CTNNA3: variants seen among roughly 807,000 people sequenced by gnomAD.
CTNNA3 encodes catenin alpha 3.
A neutral mutation model predicts 95.7 loss-of-function variants in CTNNA3; 76 were observed. The ratio of observed to expected loss-of-function variants is 0.79; its 90% confidence interval spans 0.66 to 0.96. The LOEUF (loss-of-function observed/expected upper bound fraction) is 0.96. Among genes scored for constraint, CTNNA3 ranks in the 40% least tolerant of loss-of-function variants. The probability of loss-of-function intolerance (pLI) is 0.00; values close to 1 mark genes in which losing one functional copy is unlikely to be tolerated. For missense variants in CTNNA3, 1,191 were observed against 1,089.8 expected, an observed-to-expected ratio of 1.09 and a Z score of -1.31; for synonymous variants, 431 against 374.4, an observed-to-expected ratio of 1.15 and a Z score of -1.74.
At chr10:67,316,928 C>G (rs886163237) in intron 5 of CTNNA3, among the ~76,000 whole-genome samples, 1 of 152,088 alleles carries the variant, frequency 6.6e-6, no homozygotes, top group African/African-American at 2.4e-5. Context: ...TTCTGGCTTT[C>G]AAAATAGTAA....
At chr10:67,233,067 C>T (rs1032131596) in intron 5 of CTNNA3, among the ~76,000 whole-genome samples, 17 of 152,330 alleles carry the variant, frequency 1.1e-4, no homozygotes, top group African/African-American at 3.8e-4. Context: ...TAATGCGAGA[C>T]TTTAACACCC....
intron 3 of CTNNA3, among the ~76,000 whole-genome samples, chr10:67,568,636 T>C (rs2133283576): frequency 6.6e-6 from 1 of 152,130 alleles, no homozygotes; most frequent in Admixed American, 6.6e-5. Flanking sequence ...TGGTGTCCAT[T>C]TTGGGTTACC....
intron 14 of CTNNA3, chr10:66,085,126 A>C (rs995820198): frequency 3.3e-5 from 5 of 152,314 alleles, no homozygotes; most frequent in African/African-American, 9.6e-5. Flanking sequence ...ATTGAGCCTT[A>C]GAATATTTCA....
chr10:67,325,089 C>T (rs2132563164), intron 5 of CTNNA3, among the ~76,000 whole-genome samples: 1 of 151,956 alleles, frequency 6.6e-6, no homozygotes, highest in East Asian at 1.9e-4. Flanking sequence ...GTAATGTGTC[C>T]TTGTTGTTTC....
chr10:67,744,241 G>A (rs1003152884), intron 1 of CTNNA3, among the ~76,000 whole-genome samples: 1 of 151,236 alleles, frequency 6.6e-6, no homozygotes, highest in African/African-American at 2.4e-5. Context: ...CACACTACCT[G>A]ACTTCACACT....
At chr10:66,639,834 C>T (rs149577820) in intron 9 of CTNNA3, among the ~76,000 whole-genome samples, 6 of 152,126 alleles carry the variant, frequency 3.9e-5, no homozygotes, top group African/African-American at 1.4e-4. Flanking sequence ...AATAAATTTA[C>T]CAAGTCAAAG....
chr10:66,900,358 C>T (rs1446454607), intron 7 of CTNNA3, among the ~76,000 whole-genome samples: 1 of 152,116 alleles, frequency 6.6e-6, no homozygotes, highest in Non-Finnish European at 1.5e-5. Flanking sequence ...AATAAAACCC[C>T]ATCTGCAGGT....
At chr10:67,458,444 T>C (rs553231432) in intron 5 of CTNNA3, among the ~76,000 whole-genome samples, 1 of 152,232 alleles carries the variant, frequency 6.6e-6, no homozygotes, top group South Asian at 2.1e-4. Context: ...GATTATTCTA[T>C]GCTGCCTGTG....
At chr10:67,612,058 T>C (rs1308139290) in intron 2 of CTNNA3, among the ~76,000 whole-genome samples, 1 of 152,156 alleles carries the variant, frequency 6.6e-6, no homozygotes, top group Non-Finnish European at 1.5e-5. Context: ...ATTCTTTTAC[T>C]TCTACCAAAA....
intron 5 of CTNNA3, among the ~76,000 whole-genome samples, chr10:67,423,072 G>A (rs529183406): frequency 2.0e-5 from 3 of 152,052 alleles, no homozygotes; most frequent in Non-Finnish European, 4.4e-5. Context: ...AATATATTAA[G>A]GAATTTTCTT....
chr10:67,385,624 T>C lies in CTNNA3; in HGVS notation c.579+136218A>G, dbSNP rs1589238324. 2.0e-5 allele frequency among the ~76,000 whole-genome samples: 3 copies of C among 152,148 alleles called. 1 individual carries two copies. The South Asian group carries it at 6.2e-4, about 32-fold the overall frequency. ...TAGTTTAAAGGAAGAAGGAATCATA[T>C]ATAGGAGAATTACCCAACTCTTCAC... On this transcript the variant is annotated intron_variant, in intron 5 of 17. Transcript: ENST00000433211.
intron 1 of CTNNA3, among the ~76,000 whole-genome samples, chr10:67,732,653 G>A (rs1841282267): frequency 6.6e-6 from 1 of 151,950 alleles, no homozygotes. Flanking sequence ...CACAAAAATG[G>A]GCAGCAGTTT....
At chr10:67,412,790 T>C (rs1845413406) in intron 5 of CTNNA3, among the ~76,000 whole-genome samples, 1 of 152,066 alleles carries the variant, frequency 6.6e-6, no homozygotes, top group African/African-American at 2.4e-5. Context: ...ATAAGAGGCT[T>C]CTCTGACAAG....
At chr10:66,248,172 C>T (rs1243481081) in intron 13 of CTNNA3, among the ~76,000 whole-genome samples, 2 of 151,868 alleles carry the variant, frequency 1.3e-5, no homozygotes, top group African/African-American at 4.8e-5. Flanking sequence ...TTTAAGTTGT[C>T]ATTAGTTTAA....
chr10:66,974,329 G>A (rs759366686), intron 7 of CTNNA3, among the ~76,000 whole-genome samples: 4 of 152,174 alleles, frequency 2.6e-5, no homozygotes, highest in Non-Finnish European at 4.4e-5. Flanking sequence ...CTTCTTAGCA[G>A]TTCATTCATT....
chr10:66,839,439 A>G (rs1842977249), intron 7 of CTNNA3, among the ~76,000 whole-genome samples: 1 of 152,162 alleles, frequency 6.6e-6, no homozygotes, highest in African/African-American at 2.4e-5. Flanking sequence ...AGAAGGCATA[A>G]AAGTATACAG....
At position 66,940,367 on chromosome 10, in the gene CTNNA3, A is replaced by G. The variant is rs534400294; in HGVS notation, c.1048-164843T>C. Among the ~76,000 whole-genome samples, 11 of 152,242 alleles carry G rather than the reference A, an allele frequency of 7.2e-5. No individual in the cohort carries two copies. The East Asian group carries it at 1.9e-3, about 27-fold the overall frequency. ...AAAAATTACCTGGGTGTGATGGCAC[A>G]TGCTTGGAAGCTGAAGTGGGAGGAC... On this transcript the variant is annotated intron_variant, in intron 7 of 17. Transcript: ENST00000433211.
intron 11 of CTNNA3, among the ~76,000 whole-genome samples, chr10:66,448,097 C>G (rs2093436515): frequency 6.6e-6 from 1 of 152,082 alleles, no homozygotes; most frequent in Non-Finnish European, 1.5e-5. Flanking sequence ...CACTGGCCAT[C>G]AGAGAAATGC....
intron 7 of CTNNA3, among the ~76,000 whole-genome samples, chr10:66,960,842 A>G (rs1264897584): frequency 1.3e-5 from 2 of 152,172 alleles, no homozygotes; most frequent in South Asian, 2.1e-4. Context: ...GAATAGTGAC[A>G]GTGTTGATAA....
Sources: allele counts gnomAD v4.1 joint callset (sites outside exome capture counted in the v4.1 genomes callset), GRCh38; gene constraint gnomAD v4.1.1; transcripts MANE v1.5; gene names NCBI Gene and HGNC (gene_info 2026-07-23, HGNC 2026-07-21).